Variants in KANK3 observed in about 807,000 individuals in gnomAD.
KANK3 encodes the protein KN motif and ankyrin repeat domain-containing protein 3.
KANK3 carries 61 observed loss-of-function variants against 65.4 expected under a neutral mutation model. The observed-to-expected ratio is 0.93, with a 90% CI of 0.76 to 1.15. KANK3 has a LOEUF of 1.15. Ranked by LOEUF, KANK3 falls within the 50% of genes most tolerant of loss-of-function variation. KANK3 has a pLI of 0.00. For synonymous variants in KANK3, 586 were observed against 543.3 expected (o/e 1.08, Z -1.09); for missense variants, 1,187 against 1,178.8 (o/e 1.01, Z -0.10).
chr19:8,342,697 G>A (rs1970736415), intron 1 of KANK3, among the ~76,000 whole-genome samples: 1 of 151,790 alleles, frequency 6.6e-6, no homozygotes, highest in African/African-American at 2.4e-5. Context: ...TGGGGGACCG[G>A]TGGCGGCAGG....
intron 10 of KANK3, 182 bp from the exon 11 acceptor site, chr19:8,323,104 C>T: frequency 2.1e-6 from 1 of 478,420 alleles, no homozygotes; most frequent in Non-Finnish European, 3.7e-6. Context: ...ACATCCCTTC[C>T]AGTGGGGTGA....
At chr19:8,336,418 C>G (rs1281371961) in intron 2 of KANK3, among the ~76,000 whole-genome samples, 4 of 129,000 alleles carry the variant, frequency 3.1e-5, no homozygotes, top group African/African-American at 1.3e-4. Flanking sequence ...GCCTGGGCGA[C>G]AGAAGAGAAC....
At position 8,324,752 on chromosome 19, in the gene KANK3, C is replaced by G; in HGVS notation, c.2161G>C (p.Asp721His). ...MVATLLACGA[D>H]VNAQDADGAT... Reference sequence around the variant, plus strand: ...CCATCCGCATCCTGCGCATTCACATCAGCCCCACACGCCAGTAGGGTTGCC... The same window carrying G: ...CCATCCGCATCCTGCGCATTCACATGAGCCCCACACGCCAGTAGGGTTGCC... Residue 721 changes from aspartate (D) to histidine (H), a missense_variant, in exon 9 of 11, where the codon GAT (aspartate) becomes CAT (histidine). Asp to His is a moderately conservative substitution (Grantham distance 81, BLOSUM62 -1). Coordinates refer to ENST00000330915, the MANE Select transcript of KANK3 (RefSeq NM_198471.3). The G allele has an allele frequency of 6.2e-7, 1 of 1,614,094 alleles. No homozygotes were observed. The highest frequency in any genetic ancestry group is 8.5e-7 in the Non-Finnish European group (1 of 1,180,026).
At position 8,334,925 on chromosome 19, in the gene KANK3, C is replaced by A. The variant is rs1296374237; in HGVS notation, c.902G>T (p.Arg301Leu). ...VGSLDGTPQT[R>L]EVAAEAVPET... is the part of the protein sequence containing the mutation. ...GGGCACGGCCTCGGCGGCCACCTCCCGGGTCTGGGGCGTCCCATCGAGACT... is the reference window on the plus strand; with the variant it reads ...GGGCACGGCCTCGGCGGCCACCTCCAGGGTCTGGGGCGTCCCATCGAGACT... Residue 301 changes from arginine (R) to leucine (L), a missense_variant, in exon 3 of 11, where the codon CGG (arginine) becomes CTG (leucine). Arg to Leu is a moderately radical substitution (Grantham distance 102). Around this residue, in one of 3 missense-constraint regions of KANK3, gnomAD observed 1,078 missense variants for 1,038.2 expected, o/e 1.04. Coordinates refer to ENST00000330915, the MANE Select transcript of KANK3 (RefSeq NM_198471.3). The A allele has an allele frequency of 2.7e-6, 4 of 1,470,558 alleles. No individual in the cohort carries two copies. The Admixed American group carries it at 1.0e-4, about 37-fold the overall frequency. 91.1% of individuals were successfully genotyped at this position (1,470,558 alleles called of 1,614,324 possible). A position where few individuals can be genotyped will look rare whatever the true frequency, so the allele number is the denominator to read the frequency against.
chr19:8,334,292 G>A, intron 4 of KANK3, 28 bp downstream of exon 4: 1 of 1,612,656 alleles, frequency 6.2e-7, no homozygotes, highest in Non-Finnish European at 8.5e-7. Flanking sequence ...CCCGGCAGAA[G>A]CTGCCACAGG....
intron 7 of KANK3, among the ~76,000 whole-genome samples, chr19:8,327,659 T>C (rs1400394090): frequency 6.6e-6 from 1 of 151,546 alleles, no homozygotes; most frequent in Non-Finnish European, 1.5e-5. Context: ...CTGAGTGTGG[T>C]GGTTCATGCC....
rs573479065 is a variant in KANK3, at chr19:8,325,088, C to A, written c.1945G>T (p.Glu649Ter). Residue 649 changes from glutamate to a stop codon, truncating the protein, a stop_gained, in exon 8 of 11, where the codon GAG becomes TAG. Transcript: ENST00000330915. LOFTEE classifies it high-confidence loss of function. ...ASLLLDTGAC[E>*]VNRQNRAGYS... ...CCGGCTCGGTTCTGGCGGTTGACCT[C>A]GCAGGCCCCTGGGAGAGAAAAGGGG... 2.5e-6 allele frequency: 4 copies of A among 1,611,944 alleles called. No homozygotes were observed. The highest frequency in any genetic ancestry group is 1.3e-5 in the African/African-American group (1 of 74,862).
At position 8,322,705 on chromosome 19, in the gene KANK3, A is replaced by G. The variant is rs942568072; in HGVS notation, c.*134T>C. ...GCCCCTTCCTGCCACAGTCACCCCA[A>G]CTGAAATTGCCTTTCTCTTCGGCCA... On this transcript the variant is annotated 3_prime_UTR_variant, in exon 11 of 11. Transcript: ENST00000330915. The G allele has an allele frequency of 3.6e-5, 24 of 666,418 alleles. 1 individual carries two copies. Among genetic ancestry groups the G allele is most frequent in the East Asian group, 1.7e-4 (6 of 36,084 alleles). 41.3% of individuals were successfully genotyped at this position (666,418 alleles called of 1,614,324 possible). A position where few individuals can be genotyped will look rare whatever the true frequency, so the allele number is the denominator to read the frequency against.
intron 7 of KANK3, among the ~76,000 whole-genome samples, chr19:8,332,397 C>T (rs1233230154): frequency 1.3e-5 from 2 of 151,622 alleles, no homozygotes; most frequent in Non-Finnish European, 2.9e-5. Flanking sequence ...AGGCCGGTCT[C>T]GAACTCCTGA....
intron 7 of KANK3, among the ~76,000 whole-genome samples, chr19:8,331,109 C>T (rs909173327): frequency 2.0e-5 from 3 of 151,624 alleles, no homozygotes; most frequent in African/African-American, 4.8e-5. Context: ...AGGAGAATGG[C>T]GTGAACCCGG....
intron 1 of KANK3, among the ~76,000 whole-genome samples, chr19:8,342,373 G>T (rs901465662): frequency 6.6e-6 from 1 of 152,240 alleles, no homozygotes; most frequent in African/African-American, 2.4e-5. Context: ...GCGGCTTCAG[G>T]GGCTGGGGCC....
chr19:8,340,925 G>T (rs1258217321), intron 1 of KANK3, among the ~76,000 whole-genome samples: 1 of 152,148 alleles, frequency 6.6e-6, no homozygotes, highest in East Asian at 1.9e-4. Context: ...GGAAGAACTG[G>T]GTTGTGGAAA....
intron 7 of KANK3, among the ~76,000 whole-genome samples, chr19:8,328,150 C>T (rs556276670): frequency 5.3e-5 from 8 of 152,122 alleles, no homozygotes; most frequent in South Asian, 4.2e-4. Context: ...TGGTGGAGAA[C>T]GCCTGTAATC....
Position 8,324,588 on chromosome 19 carries a change from A to C in KANK3, c.2284-41T>G, listed in dbSNP as rs1349642607. 3 of 1,612,250 alleles carry C rather than the reference A, an allele frequency of 1.9e-6. No homozygotes were observed. The African/African-American group carries it at 4.0e-5, about 22-fold the overall frequency. ...GACAGTCAGATCCCTGAGCCAAGCC[A>C]TGGGCACCCCCCAAGATGCCAGCCC... On this transcript the variant is annotated intron_variant, in intron 9 of 10. Transcript: ENST00000330915.
At position 8,324,644 on chromosome 19, in the gene KANK3, CA is replaced by C; in HGVS notation, c.2268del (p.Ala757ProfsTer30). On this transcript the variant is annotated frameshift_variant, in exon 9 of 11. Coordinates refer to ENST00000330915, the MANE Select transcript of KANK3 (RefSeq NM_198471.3). LOFTEE classifies it high-confidence loss of function. ...TGGGGTCTTACATTGTCCAGGATGG[CA>C]GGGTCACAGCCTGGCTGGGTGAGCA... Reference protein sequence around the residue: ...RLLLTQPGCDPAILDNEGTSA... With the variant: ...RLLLTQPGCDXAILDNEGTSA... 1 of 1,614,016 alleles carries C rather than the reference CA, an allele frequency of 6.2e-7. No homozygotes were observed. The highest frequency in any genetic ancestry group is 8.5e-7 in the Non-Finnish European group (1 of 1,179,992).
At position 8,325,116 on chromosome 19, in the gene KANK3, C is replaced by A; in HGVS notation, c.1937-20G>T. On this transcript the variant is annotated intron_variant, in intron 7 of 10. Transcript: ENST00000330915. ...AGGCCCCTGGGAGAGAAAAGGGGGC[C>A]GTCCACGGAGATGCCAACACCGCGG... 1.9e-6 allele frequency: 3 copies of A among 1,601,448 alleles called. No homozygotes were observed. Among genetic ancestry groups the A allele is most frequent in the Middle Eastern group, 4.0e-4 (2 of 5,028 alleles).
At chr19:8,328,387 C>CCACACACACA (rs55963090) in intron 7 of KANK3, among the ~76,000 whole-genome samples, 9 of 145,214 alleles carry the variant, frequency 6.2e-5, no homozygotes, top group South Asian at 2.3e-4. Context: ...ACCACCCCCA[C>CCACACACACA]CACACACACA....
chr19:8,336,705 A>G (rs1970645051), intron 2 of KANK3, among the ~76,000 whole-genome samples: 1 of 144,490 alleles, frequency 6.9e-6, no homozygotes, highest in Non-Finnish European at 1.5e-5. Flanking sequence ...GCACCACTGC[A>G]CTCCAGACTG....
Position 8,334,532 on chromosome 19 carries a change from G to C in KANK3, c.1295C>G (p.Ser432Cys). 3.1e-6 allele frequency: 5 copies of C among 1,603,042 alleles called. No homozygotes were observed. The highest frequency in any genetic ancestry group is 4.2e-6 in the Non-Finnish European group (5 of 1,179,510). Residue 432 changes from serine (S) to cysteine (C), a missense_variant, in exon 3 of 11, where the codon TCC becomes TGC. Physicochemically the swap from Ser to Cys is moderately radical, Grantham distance 112. This residue lies in a region of KANK3 where 1,078 missense variants were observed against 1,038.2 expected (regional missense o/e 1.04). Coordinates refer to ENST00000330915, the MANE Select transcript of KANK3 (RefSeq NM_198471.3). ...PSLTQESSPG[S>C]MDGDRAVAPA... ...CGCCACGGCCCTGTCTCCGTCCATG[G>C]ATCCGGGCGAGCTCTCCTGAGTCAA... is the stretch of plus-strand genomic sequence containing the variant.
Sources: gnomAD v4.1 joint callset for allele counts (sites outside exome capture counted in the v4.1 genomes callset) on GRCh38, gnomAD v4.1.1 for gene constraint, gnomAD v4.1.1 regional missense constraint, MANE v1.5 for transcripts, NCBI Gene and HGNC (gene_info 2026-07-23, HGNC 2026-07-21) for gene names.